HEG1: variants seen among roughly 807,000 people sequenced by gnomAD.
HEG1 encodes the protein heart development protein with EGF like domains 1, also known as protein HEG homolog 1.
HEG1 carries 56 observed loss-of-function variants against 125.6 expected under a neutral mutation model. The observed-to-expected ratio is 0.45, with a 90% CI of 0.36 to 0.56. The LOEUF is 0.56. Ranked by LOEUF, HEG1 falls within the 20% of genes least tolerant of loss-of-function variation. The pLI, the probability that HEG1 is intolerant of heterozygous loss-of-function variation, is 0.00. For missense variants in HEG1, 1,523 were observed against 1,670.0 expected, an observed-to-expected ratio of 0.91 and a Z score of 1.53; for synonymous variants, 644 against 668.5, an observed-to-expected ratio of 0.96 and a Z score of 0.57.
Position 124,968,628 on chromosome 3 carries a change from G to A in HEG1, c.*2024C>T, listed in dbSNP as rs1294696557. ...TTGTCAGCTGTGACGTCAGCTGAAG[G>A]CAGTGGAAGTGTATGCCTGGGAATA... On this transcript the variant is annotated 3_prime_UTR_variant, in exon 17 of 17. Transcript: ENST00000311127. The A allele has an allele frequency of 6.6e-6, 1 of 152,200 alleles. No homozygotes were observed. The highest frequency in any genetic ancestry group is 1.5e-5 in the Non-Finnish European group (1 of 68,048). The allele number at this position is 152,200 out of a possible 1,614,324, so 9.4% of individuals were successfully genotyped here.
chr3:125,023,784 G>T (rs1937373662), intron 3 of HEG1, among the ~76,000 whole-genome samples: 1 of 152,156 alleles, frequency 6.6e-6, no homozygotes, highest in Non-Finnish European at 1.5e-5. Flanking sequence ...CCATCCATCT[G>T]GGAGCAGAAA....
intron 6 of HEG1, among the ~76,000 whole-genome samples, chr3:125,011,578 C>T (rs1937157694): frequency 6.6e-6 from 1 of 152,182 alleles, no homozygotes; most frequent in Non-Finnish European, 1.5e-5. Context: ...GGAGAAACAG[C>T]CACCTTTCAT....
rs1291400102 is a variant in HEG1, at chr3:125,027,276, G to A, written c.842C>T (p.Ser281Leu). ...LTTPSRKRNS[S>L]GPDLSWLHFY... is the part of the protein sequence containing the mutation. ...ATGCAGCCAGGAGAGATCTGGTCCT[G>A]AGGAATTTCTCTTCCTAGAAGGCGT... Residue 281 changes from serine (S) to leucine (L), a missense_variant, in exon 3 of 17, where the codon TCA (serine) becomes TTA (leucine). Ser to Leu is a moderately radical substitution (Grantham distance 145). Coordinates refer to ENST00000311127, the MANE Select transcript of HEG1 (RefSeq NM_020733.2). 16 of 1,613,454 alleles carry A rather than the reference G, an allele frequency of 9.9e-6. No homozygotes were observed. Among genetic ancestry groups the A allele is most frequent in the Non-Finnish European group, 1.4e-5 (16 of 1,179,694 alleles).
chr3:125,029,748 C>T (rs758882636), intron 1 of HEG1, among the ~76,000 whole-genome samples: 21 of 151,968 alleles, frequency 1.4e-4, no homozygotes, highest in Non-Finnish European at 2.6e-4. Flanking sequence ...AAAAATTAGC[C>T]GGTCGTGATG....
chr3:125,047,511 G>A (rs967694688), intron 1 of HEG1, among the ~76,000 whole-genome samples: 3 of 152,168 alleles, frequency 2.0e-5, no homozygotes, highest in South Asian at 2.1e-4. Context: ...ACTGTCTGAC[G>A]CTTCCAAGCC....
chr3:124,983,352 T>C (rs529719191), intron 14 of HEG1, among the ~76,000 whole-genome samples: 105 of 152,248 alleles, frequency 6.9e-4, no homozygotes, highest in African/African-American at 2.2e-3. Context: ...TAATCTTTTT[T>C]TTGAGACAGG....
chr3:125,018,037 A>T (rs12637228), intron 5 of HEG1, among the ~76,000 whole-genome samples: 21,493 of 151,862 alleles, frequency 0.14, 2,008 homozygotes, highest in East Asian at 0.43. Flanking sequence ...TCAAAAAAAA[A>T]AAAATAAATT....
intron 1 of HEG1, among the ~76,000 whole-genome samples, chr3:125,049,922 G>T (rs948893340): frequency 6.6e-6 from 1 of 152,152 alleles, no homozygotes. Context: ...TGGTGTGGAT[G>T]GGATGAAAAC....
chr3:125,032,053 T>C (rs546523187), intron 1 of HEG1, among the ~76,000 whole-genome samples: 1 of 152,382 alleles, frequency 6.6e-6, no homozygotes, highest in East Asian at 1.9e-4. Flanking sequence ...AATATTGAGA[T>C]ATTTTATATT....
intron 1 of HEG1, among the ~76,000 whole-genome samples, chr3:125,044,030 G>T (rs1036438703): frequency 1.3e-5 from 2 of 152,204 alleles, no homozygotes; most frequent in Non-Finnish European, 2.9e-5. Context: ...AGACCTCTGT[G>T]AAGTGGCCCA....
intron 3 of HEG1, among the ~76,000 whole-genome samples, chr3:125,021,833 C>A (rs1158227636): frequency 1.3e-5 from 2 of 152,298 alleles, no homozygotes; most frequent in Middle Eastern, 6.8e-3. Flanking sequence ...TAATTCCACC[C>A]AAAAGCAAAC....
At chr3:125,042,582 G>C (rs75388241) in intron 1 of HEG1, among the ~76,000 whole-genome samples, 2,223 of 152,310 alleles carry the variant, frequency 0.015, 60 homozygotes, top group African/African-American at 0.051. Context: ...GATGCTTCTG[G>C]GGTGTGAGAA....
At chr3:125,047,521 C>T (rs979080310) in intron 1 of HEG1, among the ~76,000 whole-genome samples, 8 of 152,168 alleles carry the variant, frequency 5.3e-5, no homozygotes, top group South Asian at 2.1e-4. Flanking sequence ...GCTTCCAAGC[C>T]GGGACCTCTG....
chr3:124,989,501 A>G (rs1936794697), intron 14 of HEG1, among the ~76,000 whole-genome samples: 1 of 96,584 alleles, frequency 1.0e-5, no homozygotes, highest in African/African-American at 3.3e-5. Flanking sequence ...GATATGCTAT[A>G]TCCCCAAATT....
At chr3:124,985,402 AT>A (rs560626714) in intron 14 of HEG1, among the ~76,000 whole-genome samples, 99 of 152,338 alleles carry the variant, frequency 6.5e-4, no homozygotes, top group Admixed American at 2.4e-3. Flanking sequence ...TAAAAAAGGA[AT>A]TTATTTTAAA....
intron 3 of HEG1, among the ~76,000 whole-genome samples, chr3:125,022,393 C>CAGTGAGAGAGAG (rs1283679201): frequency 1.0e-5 from 1 of 98,672 alleles, no homozygotes; most frequent in African/African-American, 4.3e-5. Flanking sequence ...AGTATCACTA[C>CAGTGAGAGAGAG]AGCGAGAGAG....
chr3:125,014,236 T>C (rs1937208150), intron 5 of HEG1, among the ~76,000 whole-genome samples: 1 of 151,974 alleles, frequency 6.6e-6, no homozygotes, highest in Non-Finnish European at 1.5e-5. Flanking sequence ...GCAGTGGAAA[T>C]GGTAACAAAA....
At chr3:125,005,230 A>G (rs755476010) in intron 9 of HEG1, 35 bp downstream of exon 9, 6 of 1,278,600 alleles carry the variant, frequency 4.7e-6, no homozygotes, top group Non-Finnish European at 6.7e-6. Context: ...TAGGAAACAA[A>G]AGACGAGTAG....
At chr3:124,999,002 C>A (rs1205698108) in intron 11 of HEG1, among the ~76,000 whole-genome samples, 1 of 152,170 alleles carries the variant, frequency 6.6e-6, no homozygotes, top group Non-Finnish European at 1.5e-5. Flanking sequence ...GGAAGCCAAC[C>A]TATTCAGAAG....
Sources: allele counts gnomAD v4.1 joint callset (sites outside exome capture counted in the v4.1 genomes callset), GRCh38; gene constraint gnomAD v4.1.1; transcripts MANE v1.5; gene names NCBI Gene and HGNC (gene_info 2026-07-23, HGNC 2026-07-21).